The following NCOA7 variants were observed in gnomAD, a reference collection of about 807,000 sequenced individuals.
The protein encoded by NCOA7 is 140 kDa estrogen receptor-associated protein.
NCOA7 carries 45 observed loss-of-function variants against 104.3 expected under a neutral mutation model. The ratio of observed to expected loss-of-function variants is 0.43; its 90% CI spans 0.34 to 0.55. The LOEUF (loss-of-function observed/expected upper bound fraction) is 0.55. Among genes scored for constraint, NCOA7 ranks in the 20% least tolerant of loss-of-function variants. The pLI is 0.02. For synonymous variants in NCOA7, 398 were observed against 402.3 expected, an observed-to-expected ratio of 0.99 and a Z score of 0.13; for missense variants, 1,041 against 1,119.7, an observed-to-expected ratio of 0.93 and a Z score of 1.00.
intron 13 of NCOA7, among the ~76,000 whole-genome samples, chr6:125,923,700 A>G (rs1160779373): frequency 1.3e-5 from 2 of 152,098 alleles, no homozygotes; most frequent in African/African-American, 2.4e-5. Context: ...TTATTCATCC[A>G]CTCAGCAAAT....
At chr6:125,870,120 C>A (rs189738033) in intron 3 of NCOA7, among the ~76,000 whole-genome samples, 1 of 152,312 alleles carries the variant, frequency 6.6e-6, no homozygotes, top group Admixed American at 6.5e-5. Context: ...GCCTGTTACC[C>A]CGGTGTTGAG....
chr6:125,850,441 G>A (rs972575397), intron 2 of NCOA7, among the ~76,000 whole-genome samples: 5 of 152,076 alleles, frequency 3.3e-5, no homozygotes, highest in African/African-American at 1.2e-4. Context: ...GGCTATATGT[G>A]TTGATAATAA....
chr6:125,906,246 G>T (rs190784636), intron 10 of NCOA7, among the ~76,000 whole-genome samples: 1 of 152,298 alleles, frequency 6.6e-6, no homozygotes, highest in East Asian at 1.9e-4. Context: ...AAGAAAAAGA[G>T]TGCTAAGAGG....
chr6:125,811,751 A>G (rs1325888069), intron 1 of NCOA7, among the ~76,000 whole-genome samples: 12 of 151,950 alleles, frequency 7.9e-5, no homozygotes. Context: ...AACTACCCCA[A>G]CTCATGGTAG....
At chr6:125,837,833 G>A (rs945903006) in intron 2 of NCOA7, among the ~76,000 whole-genome samples, 3 of 152,158 alleles carry the variant, frequency 2.0e-5, no homozygotes, top group Admixed American at 1.3e-4. Context: ...TTTAAAAATG[G>A]AAAGTCCAGA....
At chr6:125,911,428 C>A (rs1168233109) in intron 10 of NCOA7, among the ~76,000 whole-genome samples, 1 of 151,960 alleles carries the variant, frequency 6.6e-6, no homozygotes, top group Non-Finnish European at 1.5e-5. Flanking sequence ...AAGAGGTGGC[C>A]TCTTTTAATT....
At chr6:125,865,741 G>A (rs1782394313) in intron 3 of NCOA7, among the ~76,000 whole-genome samples, 1 of 137,298 alleles carries the variant, frequency 7.3e-6, no homozygotes, top group Non-Finnish European at 1.5e-5. Flanking sequence ...ATAGCTCACT[G>A]TAGCCTTAAA....
chr6:125,834,788 C>A (rs1375114106), intron 2 of NCOA7, among the ~76,000 whole-genome samples: 1 of 152,124 alleles, frequency 6.6e-6, no homozygotes, highest in Non-Finnish European at 1.5e-5. Flanking sequence ...GCAGCAGTTA[C>A]AAGTTGATTT....
chr6:125,825,961 A>G (rs1778623083), intron 2 of NCOA7, among the ~76,000 whole-genome samples: 1 of 152,232 alleles, frequency 6.6e-6, no homozygotes, highest in Admixed American at 6.5e-5. Flanking sequence ...AAAAGAGTAT[A>G]TGGATTTTTA....
chr6:125,786,048 A>G (rs1774450131), upstream of NCOA7: 1 of 152,226 alleles, frequency 6.6e-6, no homozygotes, highest in Non-Finnish European at 1.5e-5. Flanking sequence ...TATTATCATA[A>G]TTAACCAGTA....
intron 2 of NCOA7, 86 bp from the exon 3 acceptor site, chr6:125,854,934 T>C: frequency 1.2e-6 from 1 of 863,832 alleles, no homozygotes; most frequent in Non-Finnish European, 1.8e-6. Context: ...TCATTAGTTT[T>C]CAAAGTCCAG....
chr6:125,897,105 G>A (rs1039044786), intron 10 of NCOA7, among the ~76,000 whole-genome samples: 2 of 152,290 alleles, frequency 1.3e-5, no homozygotes, highest in Non-Finnish European at 1.5e-5. Context: ...AATGAGTAAC[G>A]TATACATGCG....
intron 9 of NCOA7, 151 bp from the exon 10 acceptor site, chr6:125,890,491 G>C: frequency 1.3e-6 from 1 of 743,368 alleles, no homozygotes; most frequent in South Asian, 2.8e-5. Context: ...AAGAAGGCTT[G>C]AAAAATTTAT....
Position 125,929,047 on chromosome 6 carries a change from TA to T in NCOA7, c.*277del. The T allele has an allele frequency of 3.5e-6, 1 of 287,236 alleles. No homozygotes were observed. Among genetic ancestry groups the T allele is most frequent in the East Asian group, 6.4e-5 (1 of 15,552 alleles). The allele number at this position is 287,236 out of a possible 1,614,324, so 17.8% of individuals were successfully genotyped here. A position where few individuals can be genotyped will look rare whatever the true frequency, so the allele number is the denominator to read the frequency against. On this transcript the variant is annotated 3_prime_UTR_variant, in exon 16 of 16. Coordinates refer to ENST00000392477, the MANE Select transcript of NCOA7 (RefSeq NM_181782.5). ...ATACAGTGAGGAATCAGAGTGTTTA[TA>T]GATATATGAGTTGAATGCAATTTTT... is the stretch of plus-strand genomic sequence containing the variant.
intron 10 of NCOA7, among the ~76,000 whole-genome samples, chr6:125,901,191 C>G (rs1421909617): frequency 6.6e-6 from 1 of 152,208 alleles, no homozygotes; most frequent in East Asian, 1.9e-4. Context: ...TTCCCATTCT[C>G]TGTGCCATAA....
At chr6:125,886,038 C>T (rs965158762) in intron 8 of NCOA7, among the ~76,000 whole-genome samples, 2 of 152,024 alleles carry the variant, frequency 1.3e-5, no homozygotes, top group Non-Finnish European at 2.9e-5. Flanking sequence ...ACTGTCCTTT[C>T]GCTCTACTGT....
At position 125,890,514 on chromosome 6, in the gene NCOA7, G is replaced by A. The variant is rs78726121; in HGVS notation, c.1928-128G>A. The A allele has an allele frequency of 8.6e-4, 751 of 873,784 alleles. 1 individual carries two copies. In the African/African-American group the frequency reaches 0.012, roughly 14 times the overall value. 54.1% of individuals were successfully genotyped at this position (873,784 alleles called of 1,614,324 possible). ...TTGAAAAATTTATTAGTCCTGATAC[G>A]ATGTTGTAGGATGTTTCTGCAATGT... On this transcript the variant is annotated intron_variant, in intron 9 of 15. Coordinates refer to ENST00000392477, the MANE Select transcript of NCOA7 (RefSeq NM_181782.5).
chr6:125,809,174 T>C (rs1262616984), intron 1 of NCOA7, among the ~76,000 whole-genome samples: 1 of 152,102 alleles, frequency 6.6e-6, no homozygotes, highest in Admixed American at 6.6e-5. Flanking sequence ...ATTATCTGAT[T>C]GCTCTCCTTT....
intron 9 of NCOA7, 67 bp from the exon 10 acceptor site, chr6:125,890,575 A>T: frequency 6.9e-7 from 1 of 1,454,408 alleles, no homozygotes; most frequent in Non-Finnish European, 9.3e-7. Flanking sequence ...ATTTTTTTTA[A>T]GTTGAAAAAT....
Sources: gnomAD v4.1 joint callset for allele counts (sites outside exome capture counted in the v4.1 genomes callset) on GRCh38, gnomAD v4.1.1 for gene constraint, MANE v1.5 for transcripts, NCBI Gene and HGNC (gene_info 2026-07-23, HGNC 2026-07-21) for gene names.